The following CHERP variants were observed in gnomAD, a reference collection of about 807,000 sequenced individuals.
CHERP encodes the protein calcium homeostasis endoplasmic reticulum protein, also known as ERPROT 213-21.
A neutral mutation model predicts 113.8 loss-of-function variants in CHERP; 8 were observed. The ratio of observed to expected loss-of-function variants is 0.07; its 90% confidence interval spans 0.04 to 0.13. The LOEUF (loss-of-function observed/expected upper bound fraction) is 0.13, where lower values mean the gene tolerates loss of function less well. Among genes scored for constraint, CHERP ranks in the 10% least tolerant of loss-of-function variants. The pLI is 1.00. For synonymous variants in CHERP, 559 were observed against 524.5 expected (o/e 1.07, Z -0.90); for missense variants, 884 against 1,298.2 (o/e 0.68, Z 4.90).
At chr19:16,539,348 C>T (rs1489602700) in intron 2 of CHERP, among the ~76,000 whole-genome samples, 6 of 151,858 alleles carry the variant, frequency 4.0e-5, no homozygotes, top group African/African-American at 9.7e-5. Context: ...GGGGTTTCAC[C>T]GTGTTAGCCA....
chr19:16,535,143 GGCACCAGAGGCTGC>G lies in CHERP; in HGVS notation c.384+295_384+308del, dbSNP rs2085732459. Among the ~76,000 whole-genome samples, 1 of 152,204 alleles carries G rather than the reference GGCACCAGAGGCTGC, an allele frequency of 6.6e-6. No homozygotes were observed. Among genetic ancestry groups the G allele is most frequent in the Non-Finnish European group, 1.5e-5 (1 of 68,038 alleles). ...CTACTGTGTGGTGGGGCCAATGGTA[GGCACCAGAGGCTGC>G]CTGGCCACAGCCATTAGGGAGCTTC... On this transcript the variant is annotated intron_variant, in intron 3 of 16. Transcript: ENST00000546361. The surrounding 1 kb of genome is among the most constrained non-coding windows in gnomAD (Gnocchi z 4.3).
chr19:16,525,582 G>A lies in CHERP; in HGVS notation c.1401C>T (p.Arg467=), dbSNP rs891462953. 17 of 1,538,638 alleles carry A rather than the reference G, an allele frequency of 1.1e-5. No individual in the cohort carries two copies. In the African/African-American group the frequency reaches 1.6e-4, roughly 15 times the overall value. Residue 467 remains arginine, a synonymous_variant, in exon 10 of 17, where the codon CGC becomes CGT. Coordinates refer to ENST00000546361, the MANE Select transcript of CHERP (RefSeq NM_006387.6). This position sits in a 1 kb window ranked among gnomAD's most constrained non-coding sequence, Gnocchi z 6.5. Reference sequence around the variant, plus strand: ...GCTGGCCGTTCCAGCCGGGGTCACCGCGCTGCTCGCCCCACATGCCCTCAT... The same window carrying A: ...GCTGGCCGTTCCAGCCGGGGTCACCACGCTGCTCGCCCCACATGCCCTCAT... ...NSHEGMWGEQ[R]GDPGWNGQRD... is the part of the protein sequence containing the mutation.
Position 16,523,824 on chromosome 19 carries a change from G to T in CHERP, c.1742-534C>A, listed in dbSNP as rs1034878498. On this transcript the variant is annotated intron_variant, in intron 10 of 16. Transcript: ENST00000546361. The surrounding 1 kb of genome is among the most constrained non-coding windows in gnomAD (Gnocchi z 4.0). ...CTCCACCTTGGACCTCCAGCCCCCA[G>T]ATCCTTAAGACAATACATTCCAGCT... Among the ~76,000 whole-genome samples the T allele has an allele frequency of 1.2e-4, 18 of 152,210 alleles. No homozygotes were observed. The highest frequency in any genetic ancestry group is 2.4e-5 in the African/African-American group (1 of 41,442).
chr19:16,519,499 G>T lies in CHERP; in HGVS notation c.2557+122C>A, dbSNP rs2085586628. The stretch of plus-strand genomic sequence containing the variant: ...CGGCCCTGTCTAGAGGGTCTGGGTG[G>T]AGTCAGAACCGGCCTGACTCCATCC... On this transcript the variant is annotated intron_variant, in intron 16 of 16. Coordinates refer to ENST00000546361, the MANE Select transcript of CHERP (RefSeq NM_006387.6). The surrounding 1 kb of genome is among the most constrained non-coding windows in gnomAD (Gnocchi z 6.0). 4.0e-6 allele frequency: 5 copies of T among 1,248,926 alleles called. 1 individual carries two copies. The East Asian group carries it at 1.2e-4, about 29-fold the overall frequency. The allele number at this position is 1,248,926 out of a possible 1,614,324, so 77.4% of individuals were successfully genotyped here.
chr19:16,520,307 C>A lies in CHERP; in HGVS notation c.2346-42G>T. On this transcript the variant is annotated intron_variant, in intron 14 of 16. Transcript: ENST00000546361. This position sits in a 1 kb window ranked among gnomAD's most constrained non-coding sequence, Gnocchi z 4.0. ...CCAAGGGTCAGCAGCAGCCAGGCGTCGTGGGGAGGCCACAGGAAGAGGCCT... is the reference window on the plus strand; with the variant it reads ...CCAAGGGTCAGCAGCAGCCAGGCGTAGTGGGGAGGCCACAGGAAGAGGCCT... 4 of 1,611,094 alleles carry A rather than the reference C, an allele frequency of 2.5e-6. No individual in the cohort carries two copies. Among genetic ancestry groups the A allele is most frequent in the Non-Finnish European group, 3.4e-6 (4 of 1,178,150 alleles).
Position 16,525,657 on chromosome 19 carries a change from G to A in CHERP, c.1326C>T (p.Tyr442=). ...GGGGTGGGCCGCCCTGGTGGTGCGG[G>A]TAGGGTGGCTGCTCTGGCGGCTGCA... is the stretch of plus-strand genomic sequence containing the variant. ...GQQQPPEQPP[Y]PHHQGGPPHC... is the part of the protein sequence containing the mutation. Residue 442 remains tyrosine, a synonymous_variant, in exon 10 of 17, where the codon TAC becomes TAT. Coordinates refer to ENST00000546361, the MANE Select transcript of CHERP (RefSeq NM_006387.6). This position sits in a 1 kb window ranked among gnomAD's most constrained non-coding sequence, Gnocchi z 6.5. The A allele has an allele frequency of 6.6e-7, 1 of 1,519,988 alleles. No homozygotes were observed. The highest frequency in any genetic ancestry group is 1.2e-5 in the South Asian group (1 of 82,454). The allele number at this position is 1,519,988 out of a possible 1,614,324, so 94.2% of individuals were successfully genotyped here.
intron 9 of CHERP, among the ~76,000 whole-genome samples, chr19:16,527,101 G>C (rs950017475): frequency 7.9e-5 from 12 of 152,250 alleles, no homozygotes; most frequent in Non-Finnish European, 1.5e-4. Flanking sequence ...AGGATGCACT[G>C]CTGGCCTAGC....
intron 11 of CHERP, 137 bp from the exon 12 acceptor site, chr19:16,521,791 T>G (rs2085617904): frequency 1.3e-6 from 1 of 750,742 alleles, no homozygotes; most frequent in African/African-American, 1.8e-5. Context: ...CTCCTCATGC[T>G]TCCCTCTTGG....
chr19:16,533,232 G>C, intron 3 of CHERP, 84 bp from the exon 4 acceptor site: 1 of 1,389,750 alleles, frequency 7.2e-7, no homozygotes. Context: ...GCAGGGGCGG[G>C]GTGGGGACAT....
chr19:16,520,374 AGCG>A lies in CHERP; in HGVS notation c.2332_2334del (p.Arg778del), dbSNP rs1294154277. ...GCAGCCTCTGCCTACCTAGATCTGG[AGCG>A]GGAGTAGGAACGGGAGCAGGAGCGC... On this transcript the variant is annotated inframe_deletion, in exon 14 of 17. Transcript: ENST00000546361. The surrounding 1 kb of genome is among the most constrained non-coding windows in gnomAD (Gnocchi z 4.0). The A allele has an allele frequency of 1.2e-6, 2 of 1,613,588 alleles. No individual in the cohort carries two copies. Among genetic ancestry groups the A allele is most frequent in the Non-Finnish European group, 1.7e-6 (2 of 1,179,908 alleles).
chr19:16,535,333 TG>T lies in CHERP; in HGVS notation c.384+118del. ...ACAGTGGCTGACATGCACCGAGCCC[TG>T]GGTGGCAGGGGGGGCCCTGTCCTCA... is the stretch of plus-strand genomic sequence containing the variant. On this transcript the variant is annotated intron_variant, in intron 3 of 16. Transcript: ENST00000546361. This position sits in a 1 kb window ranked among gnomAD's most constrained non-coding sequence, Gnocchi z 4.3. The T allele has an allele frequency of 9.3e-7, 1 of 1,080,738 alleles. No individual in the cohort carries two copies. Among genetic ancestry groups the T allele is most frequent in the Non-Finnish European group, 1.3e-6 (1 of 750,712 alleles). 66.9% of individuals were successfully genotyped at this position (1,080,738 alleles called of 1,614,324 possible). A position where few individuals can be genotyped will look rare whatever the true frequency, so the allele number is the denominator to read the frequency against.
At chr19:16,538,974 T>TA (rs1391667787) in intron 2 of CHERP, among the ~76,000 whole-genome samples, 2 of 151,880 alleles carry the variant, frequency 1.3e-5, no homozygotes, top group Non-Finnish European at 1.5e-5. Flanking sequence ...CCTACTGACT[T>TA]AATTCAGACC....
chr19:16,531,964 G>GA (rs1555695156), intron 5 of CHERP: 1 of 137,956 alleles, frequency 7.2e-6, no homozygotes, highest in East Asian at 2.0e-4. Context: ...GGGTTCTATT[G>GA]TTTTTTTTTT....
rs909215357 is a variant in CHERP, at chr19:16,535,466, G to C, written c.370C>G (p.Leu124Val). 3.1e-6 allele frequency: 5 copies of C among 1,608,984 alleles called. No homozygotes were observed. The highest frequency in any genetic ancestry group is 4.2e-6 in the Non-Finnish European group (5 of 1,177,976). The change falls in exon 3 of 17, where the codon CTG becomes GTG. Residue 124 changes from leucine (L) to valine (V), a missense_variant. Leu to Val is a conservative substitution (Grantham distance 32). Around this residue, in one of 8 missense-constraint regions of CHERP, gnomAD observed 109 missense variants for 134.2 expected, o/e 0.81. Coordinates refer to ENST00000546361, the MANE Select transcript of CHERP (RefSeq NM_006387.6). The surrounding 1 kb of genome is among the most constrained non-coding windows in gnomAD (Gnocchi z 4.3). ...WNLQQQEQHL[L>V]ALRQEQVTAA... ...CGGGCCCATACCTGTCTGAGCGCCA[G>C]CAAGTGCTGCTCCTGCTGCTGGAGG...
chr19:16,521,470 G>A (rs930041041), intron 12 of CHERP, 51 bp downstream of exon 12: 11 of 1,479,176 alleles, frequency 7.4e-6, no homozygotes, highest in African/African-American at 2.8e-5. Flanking sequence ...GCAGGGAGCC[G>A]GGAGAGGGGA....
At chr19:16,540,468 G>A (rs1003213702) in intron 2 of CHERP, among the ~76,000 whole-genome samples, 2 of 151,282 alleles carry the variant, frequency 1.3e-5, no homozygotes, top group Admixed American at 1.3e-4. Flanking sequence ...CAGCTCCCAG[G>A]TTCAAGCGAT....
At chr19:16,536,911 C>T (rs2085744861) in intron 2 of CHERP, among the ~76,000 whole-genome samples, 1 of 152,176 alleles carries the variant, frequency 6.6e-6, no homozygotes, top group South Asian at 2.1e-4. Context: ...ACCTGAGAGG[C>T]TGAGGCAGGA....
Position 16,530,975 on chromosome 19 carries a change from C to T in CHERP, c.675-95G>A. ...CGGCTCCAGCCTCAGCGCCCTCTGC[C>T]TTCTCGGGAATCGGGTCCCCAACCC... On this transcript the variant is annotated intron_variant, in intron 5 of 16. Coordinates refer to ENST00000546361, the MANE Select transcript of CHERP (RefSeq NM_006387.6). The surrounding 1 kb of genome is among the most constrained non-coding windows in gnomAD (Gnocchi z 4.1). 1 of 1,521,626 alleles carries T rather than the reference C, an allele frequency of 6.6e-7. No individual in the cohort carries two copies. The allele number at this position is 1,521,626 out of a possible 1,614,324, so 94.3% of individuals were successfully genotyped here. A position where few individuals can be genotyped will look rare whatever the true frequency, so the allele number is the denominator to read the frequency against.
chr19:16,525,063 CTG>C lies in CHERP; in HGVS notation c.1741+177_1741+178del, dbSNP rs996382341. 1.3e-5 allele frequency among the ~76,000 whole-genome samples: 2 copies of C among 152,210 alleles called. No individual in the cohort carries two copies. Among genetic ancestry groups the C allele is most frequent in the Admixed American group, 6.5e-5 (1 of 15,284 alleles). On this transcript the variant is annotated intron_variant, in intron 10 of 16. Coordinates refer to ENST00000546361, the MANE Select transcript of CHERP (RefSeq NM_006387.6). The surrounding 1 kb of genome is among the most constrained non-coding windows in gnomAD (Gnocchi z 6.5). ...GCCGGGCCTCATCAGGGCGGCAAAA[CTG>C]AGTCTGTGCCCCCACTTCCTGAGAA...
Sources: gnomAD v4.1 joint callset for allele counts (sites outside exome capture counted in the v4.1 genomes callset) on GRCh38, gnomAD v4.1.1 for gene constraint, gnomAD v4.1.1 regional missense constraint, Gnocchi (gnomAD v3.1) non-coding constraint, MANE v1.5 for transcripts, NCBI Gene and HGNC (gene_info 2026-07-23, HGNC 2026-07-21) for gene names.